MATN2: variants seen among roughly 807,000 people sequenced by gnomAD.
MATN2 encodes the protein matrilin 2, also known as matrilin-2.
In MATN2, 69 loss-of-function variants were observed where a neutral mutation model predicts 103.2. That is an observed-to-expected ratio of 0.67 (90% CI 0.55 to 0.82). MATN2 has a LOEUF of 0.82. Ranked by LOEUF, MATN2 falls within the 40% of genes least tolerant of loss-of-function variation. The pLI is 0.00. For missense variants in MATN2, 1,023 were observed against 1,211.5 expected, an observed-to-expected ratio of 0.84 and a Z score of 2.31; for synonymous variants, 429 against 450.2, an observed-to-expected ratio of 0.95 and a Z score of 0.60.
intron 15 of MATN2, 161 bp from the exon 16 acceptor site, chr8:98,032,085 G>A: frequency 3.4e-6 from 2 of 594,324 alleles, no homozygotes; most frequent in Non-Finnish European, 6.0e-6. Context: ...AAGTATCATG[G>A]TAACCAACTG....
chr8:98,008,352 T>C (rs1003982652), intron 10 of MATN2, among the ~76,000 whole-genome samples: 2 of 152,164 alleles, frequency 1.3e-5, no homozygotes, highest in African/African-American at 4.8e-5. Flanking sequence ...AATATGGTCA[T>C]TTTGAGAGAA....
chr8:97,870,348 G>A (rs1347536553), intron 1 of MATN2, among the ~76,000 whole-genome samples: 2 of 152,098 alleles, frequency 1.3e-5, no homozygotes, highest in African/African-American at 2.4e-5. Context: ...GAGAAACCCC[G>A]TCTCTACTAA....
intron 1 of MATN2, among the ~76,000 whole-genome samples, chr8:97,875,403 T>C (rs1009624397): frequency 2.0e-5 from 3 of 152,174 alleles, no homozygotes; most frequent in South Asian, 4.1e-4. Flanking sequence ...CTGCACACTT[T>C]ATTTGTTAAG....
chr8:97,973,819 C>T (rs1811743496), intron 5 of MATN2, among the ~76,000 whole-genome samples: 2 of 152,074 alleles, frequency 1.3e-5, no homozygotes, highest in South Asian at 4.1e-4. Context: ...GTCTGCCTGC[C>T]TCGGCCTCCC....
In MATN2 at chr8:97,903,231, C is replaced by T. The variant is rs1451209212; in HGVS notation, c.142+14989C>T. Among the ~76,000 whole-genome samples, 5 of 148,954 alleles carry T rather than the reference C, an allele frequency of 3.4e-5. No individual in the cohort carries two copies. In the South Asian group the frequency reaches 8.5e-4, roughly 25 times the overall value. On this transcript the variant is annotated intron_variant, in intron 2 of 18. Coordinates refer to ENST00000254898, the MANE Select transcript of MATN2 (RefSeq NM_002380.5). ...GTGCTCCATGGAACACACACATGCACGCCTTCACCCACCCTTTCCTGTACC... is the reference window on the plus strand; with the variant it reads ...GTGCTCCATGGAACACACACATGCATGCCTTCACCCACCCTTTCCTGTACC...
intron 4 of MATN2, among the ~76,000 whole-genome samples, chr8:97,960,807 T>G (rs2444875): frequency 0.32 from 46,652 of 146,538 alleles, 8,583 homozygotes; most frequent in Non-Finnish European, 0.41. Context: ...GAAAAATGTG[T>G]TTTTTTTATG....
At chr8:97,983,283 G>C (rs1812085966) in intron 6 of MATN2, among the ~76,000 whole-genome samples, 2 of 152,204 alleles carry the variant, frequency 1.3e-5, no homozygotes, top group Middle Eastern at 3.4e-3. Context: ...TCCATCTGTT[G>C]ATGGACGTTT....
At chr8:97,965,381 G>A (rs929191974) in intron 5 of MATN2, among the ~76,000 whole-genome samples, 1 of 152,190 alleles carries the variant, frequency 6.6e-6, no homozygotes, top group Admixed American at 6.5e-5. Flanking sequence ...CCAGGAGAAG[G>A]ATGGCAAGAA....
At chr8:97,901,452 C>T (rs937517142) in intron 2 of MATN2, among the ~76,000 whole-genome samples, 1 of 152,138 alleles carries the variant, frequency 6.6e-6, no homozygotes, top group Non-Finnish European at 1.5e-5. Context: ...GGGGTTTCGC[C>T]ATGTTGGCCA....
In MATN2 at chr8:98,032,189, AAC is replaced by A; in HGVS notation, c.2510-49_2510-48del. On this transcript the variant is annotated intron_variant, in intron 15 of 18. Coordinates refer to ENST00000254898, the MANE Select transcript of MATN2 (RefSeq NM_002380.5). ...GTGGTCTGGGACCAGCTTCCTGAAG[AAC>A]ACACACATGCCTGTGGACAACCATC... The A allele has an allele frequency of 2.1e-6, 3 of 1,419,158 alleles. No individual in the cohort carries two copies. In the South Asian group the frequency reaches 3.7e-5, roughly 17 times the overall value. 87.9% of individuals were successfully genotyped at this position (1,419,158 alleles called of 1,614,324 possible).
At chr8:98,006,777 C>T (rs1392989257) in intron 8 of MATN2, among the ~76,000 whole-genome samples, 1 of 152,154 alleles carries the variant, frequency 6.6e-6, no homozygotes, top group African/African-American at 2.4e-5. Flanking sequence ...CTTTACCCTT[C>T]AAAGAAAGAA....
intron 1 of MATN2, among the ~76,000 whole-genome samples, chr8:97,873,663 A>C (rs1172123015): frequency 6.6e-6 from 1 of 152,114 alleles, no homozygotes; most frequent in Non-Finnish European, 1.5e-5. Context: ...AAAGCTCAAG[A>C]CCAGAGGGGT....
chr8:97,919,993 G>C (rs1171074467), intron 2 of MATN2, among the ~76,000 whole-genome samples: 2 of 152,192 alleles, frequency 1.3e-5, no homozygotes, highest in East Asian at 3.9e-4. Context: ...CTAGCAGAGA[G>C]GGCGCTGTGT....
intron 12 of MATN2, among the ~76,000 whole-genome samples, chr8:98,018,926 C>T (rs1328640078): frequency 2.6e-5 from 4 of 151,756 alleles, no homozygotes; most frequent in African/African-American, 7.3e-5. Context: ...TTCTATAGGT[C>T]ACCCAGAACA....
chr8:98,032,337 G>A lies in MATN2; in HGVS notation c.2581+20G>A, dbSNP rs749980723. The A allele has an allele frequency of 1.3e-6, 2 of 1,594,320 alleles. No individual in the cohort carries two copies. The highest frequency in any genetic ancestry group is 1.7e-6 in the Non-Finnish European group (2 of 1,169,290). The stretch of plus-strand genomic sequence containing the variant: ...CAACAGGTACAGTTTTTAAGGCAGT[G>A]TTTTTAGAAATTTTGGTGGAGGGAA... On this transcript the variant is annotated intron_variant, in intron 16 of 18. Coordinates refer to ENST00000254898, the MANE Select transcript of MATN2 (RefSeq NM_002380.5).
At chr8:97,946,898 C>T (rs1810769332) in intron 4 of MATN2, among the ~76,000 whole-genome samples, 1 of 152,076 alleles carries the variant, frequency 6.6e-6, no homozygotes, top group South Asian at 2.1e-4. Flanking sequence ...CCAGAAAAAC[C>T]ACTGAATTAT....
At chr8:97,922,770 G>C (rs1809854253) in intron 2 of MATN2, among the ~76,000 whole-genome samples, 1 of 152,134 alleles carries the variant, frequency 6.6e-6, no homozygotes, top group African/African-American at 2.4e-5. Flanking sequence ...CTCCCTCACT[G>C]TCCTTCTCTC....
At chr8:97,956,241 G>T (rs138993447) in intron 4 of MATN2, among the ~76,000 whole-genome samples, 52 of 151,952 alleles carry the variant, frequency 3.4e-4, no homozygotes, top group African/African-American at 1.2e-3. Context: ...GCAGTGGCGC[G>T]ATCTCAGCTC....
At chr8:97,890,342 G>C (rs1818585598) in intron 2 of MATN2, among the ~76,000 whole-genome samples, 1 of 152,062 alleles carries the variant, frequency 6.6e-6, no homozygotes. Context: ...GCGGGTGCCT[G>C]TAATCCCAGC....
Sources: gnomAD v4.1 joint callset for allele counts (sites outside exome capture counted in the v4.1 genomes callset) on GRCh38, gnomAD v4.1.1 for gene constraint, MANE v1.5 for transcripts, NCBI Gene and HGNC (gene_info 2026-07-23, HGNC 2026-07-21) for gene names.